Variants in REXO1 observed in about 807,000 individuals in gnomAD.
REXO1 encodes REX1, RNA exonuclease 1 homolog.
REXO1 carries 42 observed loss-of-function variants against 102.6 expected under a neutral mutation model. The observed-to-expected ratio is 0.41, with a 90% CI of 0.32 to 0.53. The LOEUF (loss-of-function observed/expected upper bound fraction) is 0.53, where lower values mean the gene tolerates loss of function less well. Among genes scored for constraint, REXO1 ranks in the 20% least tolerant of loss-of-function variants. The probability of loss-of-function intolerance (pLI) is 0.27; values close to 1 mark genes in which losing one functional copy is unlikely to be tolerated. For synonymous variants in REXO1, 908 were observed against 779.1 expected (o/e 1.17, Z -2.76); for missense variants, 1,819 against 1,732.5 (o/e 1.05, Z -0.89).
Position 1,827,327 on chromosome 19 carries a change from G to T in REXO1, c.1462C>A (p.Pro488Thr). Reference protein sequence around the residue: ...QLPDRKSTKAPSGKLVERKAR... With the variant: ...QLPDRKSTKATSGKLVERKAR... ...TTCCGCTCCACTAGCTTCCCCGACG[G>T]GGCCTTGGTGCTCTTCCTGTCGGGC... is the stretch of plus-strand genomic sequence containing the variant. The change falls in exon 2 of 16, where the codon CCG becomes ACG. Residue 488 changes from proline to threonine, a missense_variant. Transcript: ENST00000170168. 2 of 1,557,976 alleles carry T rather than the reference G, an allele frequency of 1.3e-6. No individual in the cohort carries two copies. The highest frequency in any genetic ancestry group is 3.6e-5 in the Admixed American group (2 of 54,932).
intron 1 of REXO1, among the ~76,000 whole-genome samples, chr19:1,836,105 T>TCA (rs918874822): frequency 3.3e-5 from 5 of 151,970 alleles, no homozygotes; most frequent in African/African-American, 1.2e-4. Flanking sequence ...CAGAAACCCC[T>TCA]CACCCTGGGC....
intron 1 of REXO1, among the ~76,000 whole-genome samples, chr19:1,834,487 T>A (rs376580126): frequency 4.6e-5 from 7 of 152,268 alleles, no homozygotes; most frequent in East Asian, 3.9e-4. Flanking sequence ...CCATGATGGC[T>A]CGCTGAAGCT....
At position 1,826,097 on chromosome 19, in the gene REXO1, G is replaced by A. The variant is rs1284714081; in HGVS notation, c.1912-154C>T. 2.6e-5 allele frequency among the ~76,000 whole-genome samples: 4 copies of A among 152,194 alleles called. No individual in the cohort carries two copies. Among genetic ancestry groups the A allele is most frequent in the African/African-American group, 9.6e-5 (4 of 41,454 alleles). On this transcript the variant is annotated intron_variant, in intron 2 of 15. Transcript: ENST00000170168. The surrounding 1 kb of genome is among the most constrained non-coding windows in gnomAD (Gnocchi z 4.3). The stretch of plus-strand genomic sequence containing the variant: ...TCAGGGCCAACAGTCCCTGGGCTTT[G>A]TGTGGGTGCAGTCGGAGGGGTGGGC...
chr19:1,816,888 T>A, intron 12 of REXO1, 75 bp from the exon 13 acceptor site: 17 of 1,121,140 alleles, frequency 1.5e-5, no homozygotes, highest in Non-Finnish European at 2.3e-5. Flanking sequence ...CCCCTTTGAG[T>A]CTCCAGAGCC....
Position 1,817,797 on chromosome 19 carries a change from C to A in REXO1, c.3017-17G>T. ...CTCCGGCCACTGCAGGGGACACAGA[C>A]ACACAGTCAGGGCCCGGCCAGGCCC... is the stretch of plus-strand genomic sequence containing the variant. On this transcript the variant is annotated splice_polypyrimidine_tract_variant and intron_variant, in intron 10 of 15. Coordinates refer to ENST00000170168, the MANE Select transcript of REXO1 (RefSeq NM_020695.4). 1 of 1,609,000 alleles carries A rather than the reference C, an allele frequency of 6.2e-7. No individual in the cohort carries two copies. The highest frequency in any genetic ancestry group is 1.7e-5 in the Admixed American group (1 of 59,736).
intron 1 of REXO1, among the ~76,000 whole-genome samples, chr19:1,835,786 G>A (rs1599161162): frequency 1.3e-5 from 2 of 152,076 alleles, no homozygotes; most frequent in Non-Finnish European, 2.9e-5. Flanking sequence ...TCACCCCAAG[G>A]CCAGGACTGG....
Position 1,815,930 on chromosome 19 carries a change from G to C in REXO1, c.*136C>G, listed in dbSNP as rs1219246781. ...GGGCTGGGCTGGGCGTTCTCTGGCC[G>C]CCAGCTCATCCCGCTGCTCTGGGCT... On this transcript the variant is annotated 3_prime_UTR_variant, in exon 16 of 16. Coordinates refer to ENST00000170168, the MANE Select transcript of REXO1 (RefSeq NM_020695.4). The surrounding 1 kb of genome is among the most constrained non-coding windows in gnomAD (Gnocchi z 4.0). 1.3e-6 allele frequency: 2 copies of C among 1,534,672 alleles called. No homozygotes were observed. Among genetic ancestry groups the C allele is most frequent in the South Asian group, 2.4e-5 (2 of 83,670 alleles).
chr19:1,817,539 G>A (rs1020899691), intron 11 of REXO1, 168 bp downstream of exon 11: 1 of 1,456,422 alleles, frequency 6.9e-7, no homozygotes, highest in Non-Finnish European at 9.1e-7. Context: ...GCCAGGGACA[G>A]GGCCTGGGGC....
At chr19:1,822,692 G>A (rs2069582277) in intron 4 of REXO1, 1 of 152,362 alleles carries the variant, frequency 6.6e-6, no homozygotes, top group Admixed American at 6.5e-5. Flanking sequence ...CTGGGGCTAA[G>A]GTCTCAGCCG....
At position 1,827,794 on chromosome 19, in the gene REXO1, C is replaced by G; in HGVS notation, c.995G>C (p.Gly332Ala). 1 of 1,593,070 alleles carries G rather than the reference C, an allele frequency of 6.3e-7. No individual in the cohort carries two copies. The highest frequency in any genetic ancestry group is 8.5e-7 in the Non-Finnish European group (1 of 1,174,130). Residue 332 changes from glycine (G) to alanine (A), a missense_variant, in exon 2 of 16, where the codon GGC (glycine) becomes GCC (alanine). By Grantham distance (60) the Gly-to-Ala change is moderately conservative. Coordinates refer to ENST00000170168, the MANE Select transcript of REXO1 (RefSeq NM_020695.4). ...PSKEGLEAEG[G>A]GLRETKETAV... ...CGTCTCCTTGGTCTCCCGCAGGCCGCCCCCCTCGGCCTCCAGGCCCTCTTT... is the reference window on the plus strand; with the variant it reads ...CGTCTCCTTGGTCTCCCGCAGGCCGGCCCCCTCGGCCTCCAGGCCCTCTTT...
At position 1,817,321 on chromosome 19, in the gene REXO1, C is replaced by G. The variant is rs139908971; in HGVS notation, c.3099G>C (p.Val1033=). ...SVGCQVAKQH[V]QDGRKERLEG... is the part of the protein sequence containing the mutation. ...CAAGGCGCTCCTTCCGGCCATCCTGCACGTGTTGCTGGGGGTGGAGAAGGC... is the reference window on the plus strand; with the variant it reads ...CAAGGCGCTCCTTCCGGCCATCCTGGACGTGTTGCTGGGGGTGGAGAAGGC... Residue 1033 remains valine (V), a synonymous_variant, in exon 12 of 16, where the codon GTG becomes GTC. Transcript: ENST00000170168. The G allele has an allele frequency of 1.5e-4, 239 of 1,612,514 alleles. No individual in the cohort carries two copies. Among genetic ancestry groups the G allele is most frequent in the Non-Finnish European group, 2.0e-4 (233 of 1,179,982 alleles).
rs1158898839 is a variant in REXO1, at chr19:1,816,080, T to C, written c.3652A>G (p.Lys1218Glu). 1.9e-6 allele frequency: 3 copies of C among 1,545,824 alleles called. No individual in the cohort carries two copies. The highest frequency in any genetic ancestry group is 2.4e-5 in the East Asian group (1 of 40,918). Residue 1218 changes from lysine to glutamate, a missense_variant, in exon 16 of 16, where the codon AAG becomes GAG. Lys to Glu is a moderately conservative substitution (Grantham distance 56). Transcript: ENST00000170168. ...LVIWKVREDA[K>E]TKR Reference sequence around the variant, plus strand: ...GCGGGCAGGCGTCATCGCTTGGTCTTGGCGTCTTCTCGAACCTTCCAGATC... The same window carrying C: ...GCGGGCAGGCGTCATCGCTTGGTCTCGGCGTCTTCTCGAACCTTCCAGATC...
intron 5 of REXO1, 129 bp downstream of exon 5, chr19:1,821,390 C>T: frequency 9.9e-7 from 1 of 1,010,936 alleles, no homozygotes; most frequent in South Asian, 1.4e-5. Flanking sequence ...AAGGTGAAGG[C>T]TGTACTGCGG....
At chr19:1,820,237 G>C (rs369393946) in intron 6 of REXO1, 27 bp downstream of exon 6, 1 of 1,602,640 alleles carries the variant, frequency 6.2e-7, no homozygotes, top group Non-Finnish European at 8.5e-7. Context: ...CCACCCGACC[G>C]GCCAGATAGG....
intron 1 of REXO1, among the ~76,000 whole-genome samples, chr19:1,844,518 A>G (rs150660977): frequency 1.6e-3 from 240 of 152,288 alleles, no homozygotes; most frequent in African/African-American, 5.3e-3. Context: ...GGTGGGCTTC[A>G]GTAGATACTG....
At chr19:1,821,382 G>T in intron 5 of REXO1, 137 bp downstream of exon 5, 1 of 960,788 alleles carries the variant, frequency 1.0e-6, no homozygotes, top group Non-Finnish European at 1.6e-6. Flanking sequence ...GGGGAGGGAA[G>T]GTGAAGGCTG....
chr19:1,828,956 A>G (rs1013533510), intron 1 of REXO1, among the ~76,000 whole-genome samples: 1 of 151,776 alleles, frequency 6.6e-6, no homozygotes, highest in Non-Finnish European at 1.5e-5. Context: ...GACACTCGAC[A>G]GGCTGGAACT....
In REXO1 at chr19:1,815,617, GCAAGT is replaced by G; in HGVS notation, c.*444_*448del. 1 of 1,061,462 alleles carries G rather than the reference GCAAGT, an allele frequency of 9.4e-7. No individual in the cohort carries two copies. The highest frequency in any genetic ancestry group is 1.8e-5 in the South Asian group (1 of 54,800). The allele number at this position is 1,061,462 out of a possible 1,614,324, so 65.8% of individuals were successfully genotyped here. ...CTCTTCCCGGTGGGAAAGATGCTGT[GCAAGT>G]CATCAGGTTTAAATTAAAAATAATA... On this transcript the variant is annotated 3_prime_UTR_variant, in exon 16 of 16. Transcript: ENST00000170168. The surrounding 1 kb of genome is among the most constrained non-coding windows in gnomAD (Gnocchi z 4.0).
In REXO1 at chr19:1,823,771, C is replaced by T; in HGVS notation, c.2031G>A (p.Arg677=). The part of the protein sequence containing the change: ...SKQGQEVEPP[R]RGPAVPPARP... ...GGGCCGGGGGCACCGCGGGACCCCT[C>T]CTCGGGGGCTCCACCTGCGTCACCA... Residue 677 remains arginine, a synonymous_variant, in exon 4 of 16, where the codon AGG becomes AGA. Transcript: ENST00000170168. 8.0e-7 allele frequency: 1 copy of T among 1,246,462 alleles called. No homozygotes were observed. The highest frequency in any genetic ancestry group is 1.0e-6 in the Non-Finnish European group (1 of 987,710). 77.2% of individuals were successfully genotyped at this position (1,246,462 alleles called of 1,614,324 possible).
Sources: allele counts gnomAD v4.1 joint callset (sites outside exome capture counted in the v4.1 genomes callset), GRCh38; gene constraint gnomAD v4.1.1; non-coding constraint Gnocchi (gnomAD v3.1); transcripts MANE v1.5; gene names NCBI Gene and HGNC (gene_info 2026-07-23, HGNC 2026-07-21).